DOCK8: variants seen among roughly 807,000 people sequenced by gnomAD.
DOCK8 encodes dedicator of cytokinesis protein 8.
DOCK8 carries 141 observed loss-of-function variants against 245.6 expected under a neutral mutation model. The observed-to-expected ratio is 0.57, with a 90% CI of 0.50 to 0.66. DOCK8 has a LOEUF of 0.66. Among genes scored for constraint, DOCK8 ranks in the 30% least tolerant of loss-of-function variants. The pLI, the probability that DOCK8 is intolerant of heterozygous loss-of-function variation, is 0.00. For missense variants in DOCK8, 2,965 were observed against 2,603.4 expected (o/e 1.14, Z -3.02); for synonymous variants, 1,168 against 970.2 (o/e 1.20, Z -3.79).
chr9:342,479 T>G (rs750736512), intron 14 of DOCK8, among the ~76,000 whole-genome samples: 2 of 718 alleles, frequency 2.8e-3, no homozygotes, highest in African/African-American at 3.1e-3. Context: ...CGTTTTTTTG[T>G]TTTTTTTTGA....
chr9:409,290 T>A (rs1463278861), intron 28 of DOCK8, among the ~76,000 whole-genome samples: 1 of 152,212 alleles, frequency 6.6e-6, no homozygotes, highest in Non-Finnish European at 1.5e-5. Flanking sequence ...TATGCATCGT[T>A]AAATCCACAG....
intron 26 of DOCK8, among the ~76,000 whole-genome samples, chr9:404,349 C>A (rs4366131): frequency 0.16 from 24,749 of 151,894 alleles, 5,881 homozygotes; most frequent in African/African-American, 0.52. Context: ...TCTCCATTTC[C>A]TCCTCTCTCA....
intron 45 of DOCK8, among the ~76,000 whole-genome samples, chr9:451,279 C>T (rs138275226): frequency 0.019 from 2,815 of 151,978 alleles, 97 homozygotes; most frequent in South Asian, 0.14. Flanking sequence ...CCACTGCGCT[C>T]CAGCCTGAGT....
At chr9:395,411 A>G (rs992142879) in intron 24 of DOCK8, among the ~76,000 whole-genome samples, 4 of 152,144 alleles carry the variant, frequency 2.6e-5, no homozygotes, top group African/African-American at 9.7e-5. Context: ...GCATCCTTAG[A>G]AACTGAATTC....
At chr9:372,430 A>T in intron 18 of DOCK8, 144 bp downstream of exon 18, 1 of 743,134 alleles carries the variant, frequency 1.3e-6, no homozygotes, top group Non-Finnish European at 2.4e-6. Flanking sequence ...TGGGAGGAAT[A>T]ACTGACTGTG....
chr9:223,936 C>T (rs2046936110), intron 1 of DOCK8, among the ~76,000 whole-genome samples: 1 of 152,034 alleles, frequency 6.6e-6, no homozygotes, highest in South Asian at 2.1e-4. Flanking sequence ...GGTATAGCTT[C>T]TGGAGGGATC....
chr9:369,588 A>G (rs2053186214), intron 15 of DOCK8: 1 of 154,228 alleles, frequency 6.5e-6, no homozygotes, highest in Admixed American at 6.4e-5. Flanking sequence ...GAGAGAGAAG[A>G]ACCTGGAACT....
At position 382,372 on chromosome 9, in the gene DOCK8, A is replaced by G. The variant is rs913702; in HGVS notation, c.2606-141A>G. 1,172,799 of 1,177,816 alleles carry G rather than the reference A, an allele frequency of 1. 583,907 individuals carry two copies. Among genetic ancestry groups the G allele is most frequent in the East Asian group, 1 (42,613 of 42,616 alleles). 73.0% of individuals were successfully genotyped at this position (1,177,816 alleles called of 1,614,324 possible). A position where few individuals can be genotyped will look rare whatever the true frequency, so the allele number is the denominator to read the frequency against. ...CAAAAGATTGCCTCCTACCCCAACC[A>G]GGATTTGTTAAGAAGTCTCTAATTC... On this transcript the variant is annotated intron_variant, in intron 21 of 47. Coordinates refer to ENST00000432829, the MANE Select transcript of DOCK8 (RefSeq NM_203447.4).
chr9:334,079 G>A (rs1440669559), intron 10 of DOCK8, 146 bp from the exon 11 acceptor site: 2 of 881,538 alleles, frequency 2.3e-6, no homozygotes, highest in Non-Finnish European at 3.6e-6. Context: ...CCTATTCACT[G>A]TTTTTATTTT....
chr9:296,917 C>G (rs540167583), intron 4 of DOCK8, among the ~76,000 whole-genome samples: 3 of 152,116 alleles, frequency 2.0e-5, no homozygotes, highest in Non-Finnish European at 4.4e-5. Flanking sequence ...GCTTGGATGC[C>G]CTCCTCACAC....
chr9:464,199 C>T lies in DOCK8; in HGVS notation c.6280C>T (p.Gln2094Ter). Reference sequence around the variant, plus strand: ...ATCTAGTTTCAGGAAATGTGAAACCCAGTTGTCACAGGGCAGCTAAGAAAA... The same window carrying T: ...ATCTAGTTTCAGGAAATGTGAAACCTAGTTGTCACAGGGCAGCTAAGAAAA... ...HRSSFRKCET[Q>*]LSQGS is the part of the protein sequence containing the mutation. Residue 2094 changes from glutamine to a stop codon, truncating the protein, a stop_gained, in exon 48 of 48, where the codon CAG becomes TAG. Transcript: ENST00000432829. LOFTEE classifies it high-confidence loss of function. 2 of 1,613,968 alleles carry T rather than the reference C, an allele frequency of 1.2e-6. No homozygotes were observed. The highest frequency in any genetic ancestry group is 2.2e-5 in the South Asian group (2 of 91,078).
intron 28 of DOCK8, among the ~76,000 whole-genome samples, chr9:413,297 A>G (rs1186455142): frequency 6.6e-6 from 1 of 152,202 alleles, no homozygotes; most frequent in Non-Finnish European, 1.5e-5. Context: ...CTAAAACTAT[A>G]AAATTGTTAC....
intron 4 of DOCK8, among the ~76,000 whole-genome samples, chr9:303,313 C>T (rs1051435837): frequency 6.6e-6 from 1 of 152,188 alleles, no homozygotes; most frequent in South Asian, 2.1e-4. Context: ...ATAAATTGTT[C>T]TACAAAAACG....
chr9:354,105 G>T (rs1195374473), intron 14 of DOCK8, among the ~76,000 whole-genome samples: 2 of 152,228 alleles, frequency 1.3e-5, no homozygotes, highest in South Asian at 2.1e-4. Flanking sequence ...GCCAAGGCAG[G>T]TGGATCACCT....
chr9:379,664 A>T, intron 20 of DOCK8, 107 bp from the exon 21 acceptor site: 2 of 1,258,528 alleles, frequency 1.6e-6, no homozygotes, highest in Non-Finnish European at 2.3e-6. Context: ...AGGCCTAGTT[A>T]AATTGGTCAG....
At chr9:336,480 G>T (rs957552363) in intron 11 of DOCK8, 102 bp from the exon 12 acceptor site, 149 of 1,501,018 alleles carry the variant, frequency 9.9e-5, no homozygotes, top group Non-Finnish European at 1.4e-5. Flanking sequence ...CATATTCAGT[G>T]TTCCTGATCA....
At position 428,428 on chromosome 9, in the gene DOCK8, C is replaced by T. The variant is rs2131703613; in HGVS notation, c.4405C>T (p.Leu1469=). The part of the protein sequence containing the change: ...GGVLRVLVNS[L]NCDQSTTYLT... ...TGTTCTGAGGGTGCTGGTGAATTCTCTGAACTGTGATCAGAGTACCACCTA... is the reference window on the plus strand; with the variant it reads ...TGTTCTGAGGGTGCTGGTGAATTCTTTGAACTGTGATCAGAGTACCACCTA... The change falls in exon 35 of 48, where the codon CTG becomes TTG. Residue 1469 remains leucine (L), a synonymous_variant. Coordinates refer to ENST00000432829, the MANE Select transcript of DOCK8 (RefSeq NM_203447.4). 6.2e-7 allele frequency: 1 copy of T among 1,614,222 alleles called. No homozygotes were observed. The highest frequency in any genetic ancestry group is 2.2e-5 in the East Asian group (1 of 44,880).
intron 18 of DOCK8, 76 bp downstream of exon 18, chr9:372,362 T>C (rs2053331712): frequency 8.5e-7 from 1 of 1,181,114 alleles, no homozygotes; most frequent in African/African-American, 1.5e-5. Context: ...TCACTTTCCA[T>C]TCCCATGTGG....
At chr9:289,676 A>G (rs2048960867) in intron 4 of DOCK8, 95 bp downstream of exon 4, 3 of 1,170,832 alleles carry the variant, frequency 2.6e-6, no homozygotes, top group African/African-American at 1.6e-5. Context: ...TTCTAGGTTT[A>G]CAGAAAAATT....
Sources: gnomAD v4.1 joint callset for allele counts (sites outside exome capture counted in the v4.1 genomes callset) on GRCh38, gnomAD v4.1.1 for gene constraint, MANE v1.5 for transcripts, NCBI Gene and HGNC (gene_info 2026-07-23, HGNC 2026-07-21) for gene names.